The following PTCRA variants were observed in gnomAD, a reference collection of about 807,000 sequenced individuals.
PTCRA encodes pre T cell antigen receptor alpha.
PTCRA carries 9 observed loss-of-function variants against 13.4 expected under a neutral mutation model. The observed-to-expected ratio is 0.67, with a 90% confidence interval of 0.41 to 1.18. PTCRA has a LOEUF of 1.18. Among genes scored for constraint, PTCRA ranks in the 50% most tolerant of loss-of-function variants. PTCRA has a pLI of 0.01. For synonymous variants in PTCRA, 153 were observed against 161.9 expected (o/e 0.94, Z 0.42); for missense variants, 353 against 359.8 (o/e 0.98, Z 0.15).
intron 1 of PTCRA, among the ~76,000 whole-genome samples, chr6:42,917,573 C>CTTATT (rs1327130372): frequency 5.4e-5 from 7 of 129,020 alleles, no homozygotes; most frequent in Non-Finnish European, 1.0e-4. Flanking sequence ...TATTATTAGA[C>CTTATT]AGAGTTTGCT....
Position 42,916,176 on chromosome 6 carries a change from G to A in PTCRA, c.58+49G>A, listed in dbSNP as rs750195441. ...CTCTGTCCCTCCTCAGTCTGCCGAA[G>A]CCCATCCCCTCACTCTGGACCTCCC... On this transcript the variant is annotated intron_variant, in intron 1 of 3. Transcript: ENST00000304672. 11 of 1,565,612 alleles carry A rather than the reference G, an allele frequency of 7.0e-6. No individual in the cohort carries two copies. The East Asian group carries it at 9.0e-5, about 13-fold the overall frequency.
Position 42,925,103 on chromosome 6 carries a change from TA to T in PTCRA, c.425-157del, listed in dbSNP as rs113178531. 9.8e-3 allele frequency: 9,169 copies of T among 931,558 alleles called. 565 individuals carry two copies. The African/African-American group carries it at 0.13, about 13-fold the overall frequency. 57.7% of individuals were successfully genotyped at this position (931,558 alleles called of 1,614,324 possible). ...TGAAGGCCAGGAAGGTATGTATTAT[TA>T]CCAGTAAGAACGGAGGCTAGACACC... On this transcript the variant is annotated intron_variant, in intron 3 of 3. Coordinates refer to ENST00000304672, the MANE Select transcript of PTCRA (RefSeq NM_138296.3). This position sits in a 1 kb window ranked among gnomAD's most constrained non-coding sequence, Gnocchi z 4.4.
At chr6:42,922,450 A>G (rs771062226) in intron 1 of PTCRA, among the ~76,000 whole-genome samples, 2 of 152,262 alleles carry the variant, frequency 1.3e-5, no homozygotes, top group Non-Finnish European at 2.9e-5. Context: ...TGAAAGGTAG[A>G]AAGAATAGAT....
chr6:42,921,179 G>A (rs1767138694), intron 1 of PTCRA, among the ~76,000 whole-genome samples: 1 of 151,766 alleles, frequency 6.6e-6, no homozygotes, highest in Non-Finnish European at 1.5e-5. Context: ...TTGGCTCACT[G>A]CAACCTCCGC....
At chr6:42,921,247 A>G (rs757817222) in intron 1 of PTCRA, among the ~76,000 whole-genome samples, 3 of 148,528 alleles carry the variant, frequency 2.0e-5, no homozygotes. Flanking sequence ...GACTACGGGT[A>G]TGCACCACCA....
rs199980862 is a variant in PTCRA, at chr6:42,925,224, G to A, written c.425-37G>A. The A allele has an allele frequency of 8.3e-4, 1,292 of 1,556,204 alleles. No homozygotes were observed. Among genetic ancestry groups the A allele is most frequent in the Non-Finnish European group, 1.0e-3 (1,159 of 1,157,674 alleles). ...GTTCTCTCCTGGGGTAGGGGGCTGC[G>A]GGCTCCTGCGGGCTCCTGAGCGGTT... On this transcript the variant is annotated intron_variant, in intron 3 of 3. Transcript: ENST00000304672. The surrounding 1 kb of genome is among the most constrained non-coding windows in gnomAD (Gnocchi z 4.4).
intron 2 of PTCRA, 29 bp from the exon 3 acceptor site, chr6:42,924,200 A>T (rs757617536): frequency 6.3e-7 from 1 of 1,594,390 alleles, no homozygotes; most frequent in Admixed American, 1.8e-5. Context: ...CCATCCCCAA[A>T]GACTCATTCG....
chr6:42,917,025 T>C (rs1355924444), intron 1 of PTCRA, among the ~76,000 whole-genome samples: 4 of 151,948 alleles, frequency 2.6e-5, no homozygotes. Context: ...GCTCTGGAGG[T>C]TGAGTCCTGG....
rs1465778941 is a variant in PTCRA, at chr6:42,925,471, G to T, written c.635G>T (p.Arg212Ile). Residue 212 changes from arginine (R) to isoleucine (I), a missense_variant, in exon 4 of 4, where the codon AGA becomes ATA. By Grantham distance (97) the Arg-to-Ile change is moderately conservative (BLOSUM62 -3). Transcript: ENST00000304672. This position sits in a 1 kb window ranked among gnomAD's most constrained non-coding sequence, Gnocchi z 4.4. ...TGGREATSSP[R>I]PQPRDRRWGD... ...GGACGAGAGGCCACCAGCTCACCCAGACCCCAGCCTCGGGACCGCCGCTGG... is the reference window on the plus strand; with the variant it reads ...GGACGAGAGGCCACCAGCTCACCCATACCCCAGCCTCGGGACCGCCGCTGG... 2 of 1,556,960 alleles carry T rather than the reference G, an allele frequency of 1.3e-6. No homozygotes were observed. The highest frequency in any genetic ancestry group is 1.7e-6 in the Non-Finnish European group (2 of 1,149,796).
At chr6:42,924,297 G>A (rs1767322727) in intron 3 of PTCRA, 24 bp downstream of exon 3, 1 of 1,610,052 alleles carries the variant, frequency 6.2e-7, no homozygotes, top group African/African-American at 1.3e-5. Context: ...GCAAGGGGTG[G>A]GGAATAAGAG....
At chr6:42,917,225 ATTATTAT>A (rs928115343) in intron 1 of PTCRA, among the ~76,000 whole-genome samples, 1 of 131,260 alleles carries the variant, frequency 7.6e-6, no homozygotes, top group African/African-American at 3.2e-5. Flanking sequence ...TATTATTATT[ATTATTAT>A]TTATTTTTGA....
At chr6:42,916,367 A>G (rs943978854) in intron 1 of PTCRA, among the ~76,000 whole-genome samples, 2 of 151,976 alleles carry the variant, frequency 1.3e-5, no homozygotes, top group Admixed American at 6.5e-5. Context: ...TGGGGCTCCT[A>G]TGTCCTCCTG....
rs2114138161 is a variant in PTCRA at position 42,925,713 on chromosome 6, T to A, written c.*31T>A. The A allele has an allele frequency of 3.6e-6, 5 of 1,388,532 alleles. No homozygotes were observed. The highest frequency in any genetic ancestry group is 4.9e-6 in the Non-Finnish European group (5 of 1,030,106). 86.0% of individuals were successfully genotyped at this position (1,388,532 alleles called of 1,614,324 possible). A position where few individuals can be genotyped will look rare whatever the true frequency, so the allele number is the denominator to read the frequency against. ...GGGCTCTACCTCCCCTGCGTCACAC[T>A]GTGTGAGGCTGTGTCTCTGCCATCC... On this transcript the variant is annotated 3_prime_UTR_variant, in exon 4 of 4. Transcript: ENST00000304672. This position sits in a 1 kb window ranked among gnomAD's most constrained non-coding sequence, Gnocchi z 4.4.
In PTCRA at chr6:42,925,101, A is replaced by T; in HGVS notation, c.425-160A>T. The T allele has an allele frequency of 1.1e-6, 1 of 922,356 alleles. No homozygotes were observed. Among genetic ancestry groups the T allele is most frequent in the Non-Finnish European group, 1.6e-6 (1 of 631,438 alleles). 57.1% of individuals were successfully genotyped at this position (922,356 alleles called of 1,614,324 possible). On this transcript the variant is annotated intron_variant, in intron 3 of 3. Coordinates refer to ENST00000304672, the MANE Select transcript of PTCRA (RefSeq NM_138296.3). The surrounding 1 kb of genome is among the most constrained non-coding windows in gnomAD (Gnocchi z 4.4). ...AATGAAGGCCAGGAAGGTATGTATTATTACCAGTAAGAACGGAGGCTAGAC... is the reference window on the plus strand; with the variant it reads ...AATGAAGGCCAGGAAGGTATGTATTTTTACCAGTAAGAACGGAGGCTAGAC...
chr6:42,922,999 GCACC>G, intron 1 of PTCRA, 24 bp from the exon 2 acceptor site: 1 of 1,610,310 alleles, frequency 6.2e-7, no homozygotes, highest in Non-Finnish European at 8.5e-7. Context: ...AGCTGGTCTA[GCACC>G]CACAGGTACA....
chr6:42,921,751 A>AC (rs1562528107), intron 1 of PTCRA, among the ~76,000 whole-genome samples: 2 of 126,966 alleles, frequency 1.6e-5, no homozygotes, highest in African/African-American at 6.2e-5. Flanking sequence ...AAAAAAAAAA[A>AC]GGCTGGGTGT....
chr6:42,922,128 T>G, intron 1 of PTCRA: 1 of 671,078 alleles, frequency 1.5e-6, no homozygotes, highest in Non-Finnish European at 2.7e-6. Flanking sequence ...TTAACAAACG[T>G]TTAACATTTT....
intron 1 of PTCRA, among the ~76,000 whole-genome samples, chr6:42,919,104 T>C (rs1767021596): frequency 6.6e-6 from 1 of 151,318 alleles, no homozygotes; most frequent in African/African-American, 2.4e-5. Context: ...AGTGCAATTC[T>C]CCTGCCTCAG....
chr6:42,920,485 C>T (rs1375020001), intron 1 of PTCRA, among the ~76,000 whole-genome samples: 1 of 150,826 alleles, frequency 6.6e-6, no homozygotes, highest in Non-Finnish European at 1.5e-5. Flanking sequence ...AGTGCAGTGG[C>T]GCGATCTTGG....
Sources: gnomAD v4.1 joint callset for allele counts (sites outside exome capture counted in the v4.1 genomes callset) on GRCh38, gnomAD v4.1.1 for gene constraint, Gnocchi (gnomAD v3.1) non-coding constraint, MANE v1.5 for transcripts, NCBI Gene and HGNC (gene_info 2026-07-23, HGNC 2026-07-21) for gene names.